FBXL2: variants seen among roughly 807,000 people sequenced by gnomAD.
FBXL2 encodes the protein F-box and leucine rich repeat protein 2.
In FBXL2, 38 loss-of-function variants were observed where a neutral mutation model predicts 69.2. That is an observed-to-expected ratio of 0.55 (90% confidence interval 0.42 to 0.72). The LOEUF is 0.72. Among genes scored for constraint, FBXL2 ranks in the 30% least tolerant of loss-of-function variants. The probability of loss-of-function intolerance (pLI) is 0.00; values close to 1 mark genes in which losing one functional copy is unlikely to be tolerated. For missense variants in FBXL2, 354 were observed against 520.3 expected (o/e 0.68, Z 3.11); for synonymous variants, 192 against 201.3 (o/e 0.95, Z 0.39).
chr3:33,359,865 A>C (rs1369367360), intron 4 of FBXL2, among the ~76,000 whole-genome samples: 1 of 152,200 alleles, frequency 6.6e-6, no homozygotes, highest in East Asian at 1.9e-4. Context: ...CAATTATTAT[A>C]TACAGAATAT....
chr3:33,373,145 C>G lies in FBXL2; in HGVS notation c.344C>G (p.Thr115Arg). 6.2e-7 allele frequency: 1 copy of G among 1,614,094 alleles called. No individual in the cohort carries two copies. Residue 115 changes from threonine (T) to arginine (R), a missense_variant, in exon 6 of 15, where the codon ACA becomes AGA. By Grantham distance (71) the Thr-to-Arg change is moderately conservative. Transcript: ENST00000484457. ...GAACATTTGAACCTCAATGGATGCA[C>G]AAAAATCACTGACAGGTAAGTAATG... ...NIEHLNLNGC[T>R]KITDSTCYSL...
the FBXL2 span, chr3:33,414,297 G>C: frequency 6.6e-6 from 1 of 152,032 alleles, no homozygotes; most frequent in Non-Finnish European, 1.5e-5. Context: ...AGGAGGGCGG[G>C]AGAGAGGAAA....
chr3:33,311,054 G>A lies in FBXL2; in HGVS notation c.65+13329G>A, dbSNP rs186846383. Among the ~76,000 whole-genome samples, 5 of 152,292 alleles carry A rather than the reference G, an allele frequency of 3.3e-5. No homozygotes were observed. In the South Asian group the frequency reaches 6.2e-4, roughly 19 times the overall value. ...GGCCTCCCAAAGTGTTGGAATTACA[G>A]GCATGAGCCACCACACCCAGCCAAA... On this transcript the variant is annotated intron_variant, in intron 2 of 14. Coordinates refer to ENST00000484457, the MANE Select transcript of FBXL2 (RefSeq NM_012157.5).
chr3:33,382,097 ACC>A (rs1044039425), intron 13 of FBXL2, among the ~76,000 whole-genome samples: 7 of 152,166 alleles, frequency 4.6e-5, no homozygotes, highest in Non-Finnish European at 8.8e-5. Flanking sequence ...CTGCAGGAAT[ACC>A]TTACACCCAT....
intron 2 of FBXL2, among the ~76,000 whole-genome samples, chr3:33,325,276 C>G (rs954170651): frequency 6.6e-6 from 1 of 152,240 alleles, no homozygotes; most frequent in Admixed American, 6.5e-5. Flanking sequence ...ATTTGAATAC[C>G]CTTTATTTCT....
At chr3:33,416,960 A>G in the FBXL2 span, 3 of 773,966 alleles carry the variant, frequency 3.9e-6, no homozygotes, top group Non-Finnish European at 6.3e-6. Flanking sequence ...TTGCTACGGA[A>G]GCAAATTCAG....
chr3:33,319,698 T>C (rs185014310), intron 2 of FBXL2, among the ~76,000 whole-genome samples: 14 of 152,316 alleles, frequency 9.2e-5, no homozygotes, highest in Admixed American at 7.2e-4. Flanking sequence ...AAAGAAGGTA[T>C]CATATTAACC....
downstream of FBXL2, among the ~76,000 whole-genome samples, chr3:33,406,386 T>C (rs1271439391): frequency 6.6e-6 from 1 of 152,244 alleles, no homozygotes; most frequent in East Asian, 1.9e-4. Flanking sequence ...TCACACACTG[T>C]CACCTCACCT....
chr3:33,373,762 A>G, intron 8 of FBXL2, 58 bp downstream of exon 8: 5 of 1,613,972 alleles, frequency 3.1e-6, no homozygotes, highest in Non-Finnish European at 4.2e-6. Flanking sequence ...CACATCATCC[A>G]GAAAGCTGCT....
At chr3:33,284,954 G>C (rs965315488) in intron 1 of FBXL2, among the ~76,000 whole-genome samples, 1 of 152,006 alleles carries the variant, frequency 6.6e-6, no homozygotes, top group African/African-American at 2.4e-5. Context: ...ATGTGATATG[G>C]GTCTCCTGAA....
At chr3:33,318,420 G>A (rs1333906460) in intron 2 of FBXL2, among the ~76,000 whole-genome samples, 1 of 152,012 alleles carries the variant, frequency 6.6e-6, no homozygotes, top group Non-Finnish European at 1.5e-5. Context: ...TTCTTTTAAT[G>A]CCTTGATAAA....
At chr3:33,309,831 C>G (rs1394540212) in intron 2 of FBXL2, among the ~76,000 whole-genome samples, 1 of 152,116 alleles carries the variant, frequency 6.6e-6, no homozygotes, top group African/African-American at 2.4e-5. Context: ...AAACATCTTA[C>G]AGTTATAGCA....
chr3:33,384,471 G>C (rs2043277798), intron 14 of FBXL2, among the ~76,000 whole-genome samples: 1 of 152,166 alleles, frequency 6.6e-6, no homozygotes, highest in African/African-American at 2.4e-5. Flanking sequence ...TGAGGCAGGA[G>C]AATCACCCGA....
chr3:33,325,164 T>C (rs1022945549), intron 2 of FBXL2, among the ~76,000 whole-genome samples: 1 of 152,050 alleles, frequency 6.6e-6, no homozygotes, highest in Non-Finnish European at 1.5e-5. Flanking sequence ...TGTGTTGAAG[T>C]TGCCTGTCAG....
the FBXL2 span, among the ~76,000 whole-genome samples, chr3:33,413,391 C>CA: frequency 6.6e-6 from 1 of 151,264 alleles, no homozygotes; most frequent in Non-Finnish European, 1.5e-5. Context: ...ACAAAAAATA[C>CA]AAAAAATTAG....
At position 33,383,467 on chromosome 3, in the gene FBXL2, C is replaced by T. The variant is rs932159082; in HGVS notation, c.952-522C>T. 33 of 159,990 alleles carry T rather than the reference C, an allele frequency of 2.1e-4. 1 individual carries two copies. The highest frequency in any genetic ancestry group is 3.6e-4 in the Non-Finnish European group (26 of 72,008). The allele number at this position is 159,990 out of a possible 1,614,324, so 9.9% of individuals were successfully genotyped here. ...GAGAAGTCAGTAATGTCAGATCACACTGTTCAAGGTCTATTTGATTATAAC... is the reference window on the plus strand; with the variant it reads ...GAGAAGTCAGTAATGTCAGATCACATTGTTCAAGGTCTATTTGATTATAAC... On this transcript the variant is annotated intron_variant, in intron 13 of 14. Transcript: ENST00000484457.
At chr3:33,287,289 C>A (rs1276016805) in intron 1 of FBXL2, among the ~76,000 whole-genome samples, 1 of 152,084 alleles carries the variant, frequency 6.6e-6, no homozygotes, top group Non-Finnish European at 1.5e-5. Flanking sequence ...TATTAATTTT[C>A]TTTCTCTTGA....
intron 9 of FBXL2, 68 bp downstream of exon 9, chr3:33,373,989 C>T (rs2042469718): frequency 4.8e-6 from 7 of 1,464,136 alleles, no homozygotes; most frequent in Non-Finnish European, 6.7e-6. Flanking sequence ...TGCCTCAGGC[C>T]TCCCTGCAGC....
intron 12 of FBXL2, among the ~76,000 whole-genome samples, chr3:33,395,969 A>G (rs562708790): frequency 6.6e-6 from 1 of 152,274 alleles, no homozygotes; most frequent in South Asian, 2.1e-4. Context: ...TGACTGAGAA[A>G]GAATGCCAGT....
Sources: allele counts gnomAD v4.1 joint callset (sites outside exome capture counted in the v4.1 genomes callset), GRCh38; gene constraint gnomAD v4.1.1; transcripts MANE v1.5; gene names NCBI Gene and HGNC (gene_info 2026-07-23, HGNC 2026-07-21).